Variants in CHN1 observed in about 807,000 individuals in gnomAD.
CHN1 encodes N-chimaerin.
CHN1 carries 37 observed loss-of-function variants against 59.5 expected under a neutral mutation model. The observed-to-expected ratio is 0.62, with a 90% CI of 0.48 to 0.82. The LOEUF (loss-of-function observed/expected upper bound fraction) is 0.82. Among genes scored for constraint, CHN1 ranks in the 40% least tolerant of loss-of-function variants. CHN1 has a pLI of 0.00. For synonymous variants in CHN1, 206 were observed against 200.4 expected, an observed-to-expected ratio of 1.03 and a Z score of -0.24; for missense variants, 469 against 571.0, an observed-to-expected ratio of 0.82 and a Z score of 1.82.
At chr2:174,991,431 GTTTA>G (rs1399040475) in intron 1 of CHN1, among the ~76,000 whole-genome samples, 1 of 152,176 alleles carries the variant, frequency 6.6e-6, no homozygotes, top group Non-Finnish European at 1.5e-5. Flanking sequence ...CAAGCCCTGT[GTTTA>G]TAGATACTGT....
At chr2:174,925,050 G>C (rs1471817194) in intron 3 of CHN1, among the ~76,000 whole-genome samples, 1 of 152,092 alleles carries the variant, frequency 6.6e-6, no homozygotes, top group East Asian at 1.9e-4. Flanking sequence ...ATTTCTAACT[G>C]AAAATAAAAG....
chr2:174,981,072 A>C (rs959044420), intron 1 of CHN1, among the ~76,000 whole-genome samples: 8 of 152,162 alleles, frequency 5.3e-5, no homozygotes, highest in Non-Finnish European at 1.2e-4. Context: ...AAGGAAACCA[A>C]ATTAAAGAAA....
chr2:174,949,286 T>A (rs1043151584), intron 2 of CHN1, among the ~76,000 whole-genome samples: 5 of 152,156 alleles, frequency 3.3e-5, no homozygotes, highest in Non-Finnish European at 5.9e-5. Flanking sequence ...ACATTAACCA[T>A]CTATATGATC....
chr2:174,925,966 T>C (rs879300428), intron 3 of CHN1, among the ~76,000 whole-genome samples: 3 of 152,242 alleles, frequency 2.0e-5, no homozygotes, highest in Non-Finnish European at 4.4e-5. Flanking sequence ...TTTTACAGTG[T>C]TTGGTTTTTC....
intron 1 of CHN1, among the ~76,000 whole-genome samples, chr2:174,989,703 T>C (rs1691473892): frequency 6.6e-6 from 1 of 151,542 alleles, no homozygotes. Flanking sequence ...GGTGGGAGGA[T>C]CGCCTGAGCC....
chr2:174,903,445 TA>T (rs1305585585), intron 5 of CHN1, among the ~76,000 whole-genome samples: 1 of 152,146 alleles, frequency 6.6e-6, no homozygotes, highest in Admixed American at 6.5e-5. Flanking sequence ...ACATATGCCA[TA>T]AAAACAGAAG....
At chr2:174,849,845 G>T (rs576414996) in intron 6 of CHN1, among the ~76,000 whole-genome samples, 5 of 152,126 alleles carry the variant, frequency 3.3e-5, no homozygotes, top group Admixed American at 1.3e-4. Flanking sequence ...TAGGTGGGGG[G>T]GCTGGGCTCA....
At chr2:174,922,363 A>G (rs1689040662) in intron 3 of CHN1, among the ~76,000 whole-genome samples, 1 of 152,212 alleles carries the variant, frequency 6.6e-6, no homozygotes, top group Non-Finnish European at 1.5e-5. Flanking sequence ...AACATGAATA[A>G]GAATGTTCTC....
chr2:174,874,872 C>CTTT lies in CHN1; in HGVS notation c.549+2965_549+2967dup, dbSNP rs11406785. On this transcript the variant is annotated intron_variant, in intron 6 of 12. Coordinates refer to ENST00000409900, the MANE Select transcript of CHN1 (RefSeq NM_001822.7). ...GACTTTTATTTATTTTTTATTTATT[C>CTTT]TTTTTTTTTTTTTTTTTTGAGACGA... is the stretch of plus-strand genomic sequence containing the variant. 2.9e-4 allele frequency among the ~76,000 whole-genome samples: 36 copies of CTTT among 122,656 alleles called. 1 individual carries two copies. The highest frequency in any genetic ancestry group is 5.0e-4 in the South Asian group (2 of 3,986). The allele number at this position is 122,656 out of a possible 152,430, so 80.5% of individuals were successfully genotyped here.
At chr2:174,847,801 A>AAAAAAAAAAAAAAAAAAAAAAAAAAAAAG in intron 6 of CHN1, 1 of 495,504 alleles carries the variant, frequency 2.0e-6, no homozygotes, top group African/African-American at 2.2e-5. Flanking sequence ...AAAAAAAAAA[A>AAAAAAAAAAAAAAAAAAAAAAAAAAAAAG]TCAGTGGGAA....
intron 6 of CHN1, among the ~76,000 whole-genome samples, chr2:174,876,749 G>A (rs1391281334): frequency 6.6e-6 from 1 of 152,148 alleles, no homozygotes; most frequent in Non-Finnish European, 1.5e-5. Flanking sequence ...TGAGGATGCT[G>A]CCTTGAGGTC....
chr2:174,897,619 C>T (rs1010759699), intron 5 of CHN1, among the ~76,000 whole-genome samples: 3 of 152,022 alleles, frequency 2.0e-5, no homozygotes, highest in African/African-American at 7.2e-5. Flanking sequence ...GTTTCATCAG[C>T]CCGTCTAGTA....
At position 174,799,917 on chromosome 2, in the gene CHN1, C is replaced by CT; in HGVS notation, c.*198dup. 1 of 670,660 alleles carries CT rather than the reference C, an allele frequency of 1.5e-6. No homozygotes were observed. The allele number at this position is 670,660 out of a possible 1,614,324, so 41.5% of individuals were successfully genotyped here. On this transcript the variant is annotated 3_prime_UTR_variant, in exon 13 of 13. Coordinates refer to ENST00000409900, the MANE Select transcript of CHN1 (RefSeq NM_001822.7). Reference sequence around the variant, plus strand: ...TGAACGTGATAAACACCCAGGATTACTAGAACCAGAAAGCGTGTGTTCACT... The same window carrying CT: ...TGAACGTGATAAACACCCAGGATTACTTAGAACCAGAAAGCGTGTGTTCACT...
chr2:174,818,920 TTA>T (rs1363192415), intron 8 of CHN1, among the ~76,000 whole-genome samples: 5 of 138,110 alleles, frequency 3.6e-5, no homozygotes, highest in Non-Finnish European at 6.2e-5. Flanking sequence ...AAGGATAACT[TTA>T]TGTTAATAAG....
intron 5 of CHN1, among the ~76,000 whole-genome samples, chr2:174,910,817 G>A (rs1354999297): frequency 6.7e-6 from 1 of 149,698 alleles, no homozygotes; most frequent in East Asian, 2.0e-4. Flanking sequence ...GGAGAATGGT[G>A]TGAACCCAGG....
At chr2:174,990,459 C>A (rs1448732851) in intron 1 of CHN1, among the ~76,000 whole-genome samples, 1 of 152,038 alleles carries the variant, frequency 6.6e-6, no homozygotes, top group African/African-American at 2.4e-5. Flanking sequence ...CAATCCCCAC[C>A]AACCTGTCCC....
intron 3 of CHN1, among the ~76,000 whole-genome samples, chr2:174,942,672 C>G (rs1336715947): frequency 1.3e-5 from 2 of 152,142 alleles, no homozygotes; most frequent in African/African-American, 2.4e-5. Context: ...TCAATCATTA[C>G]AGTGTATACA....
At chr2:174,802,925 C>A (rs1041648473) in intron 11 of CHN1, among the ~76,000 whole-genome samples, 1 of 152,066 alleles carries the variant, frequency 6.6e-6, no homozygotes, top group African/African-American at 2.4e-5. Context: ...GTAATCCCAG[C>A]TACTTGGGAA....
intron 5 of CHN1, among the ~76,000 whole-genome samples, chr2:174,885,857 A>G (rs1200295335): frequency 6.6e-6 from 1 of 152,238 alleles, no homozygotes; most frequent in African/African-American, 2.4e-5. Flanking sequence ...CCAATACTAA[A>G]TACTGTGTCC....
Sources: gnomAD v4.1 joint callset for allele counts (sites outside exome capture counted in the v4.1 genomes callset) on GRCh38, gnomAD v4.1.1 for gene constraint, MANE v1.5 for transcripts, NCBI Gene and HGNC (gene_info 2026-07-23, HGNC 2026-07-21) for gene names.